The following ABITRAM variants were observed in gnomAD, a reference collection of about 807,000 sequenced individuals.
The protein encoded by ABITRAM is actin binding transcription modulator, also known as protein Abitram.
ABITRAM carries 19 observed loss-of-function variants against 22.9 expected under a neutral mutation model. The ratio of observed to expected loss-of-function variants is 0.83; its 90% CI spans 0.58 to 1.22. The LOEUF (loss-of-function observed/expected upper bound fraction) is 1.22, where lower values mean the gene tolerates loss of function less well. Among genes scored for constraint, ABITRAM ranks in the 50% most tolerant of loss-of-function variants. The probability of loss-of-function intolerance (pLI) is 0.00; values close to 1 mark genes in which losing one functional copy is unlikely to be tolerated. For missense variants in ABITRAM, 215 were observed against 220.2 expected (o/e 0.98, Z 0.15); for synonymous variants, 70 against 73.9 (o/e 0.95, Z 0.27).
downstream of ABITRAM, among the ~76,000 whole-genome samples, chr9:108,944,905 C>T (rs1289524314): frequency 6.6e-6 from 1 of 152,212 alleles, no homozygotes; most frequent in African/African-American, 2.4e-5. Flanking sequence ...TCAAATCGTA[C>T]TTTGCAACCT....
chr9:108,939,850 G>C lies in ABITRAM; in HGVS notation c.*164G>C. ...AGTTTTCCCTCTCTGTCTTCATAAT[G>C]AGCCTTGGTTCCCATTTGTCTACAG... is the stretch of plus-strand genomic sequence containing the variant. On this transcript the variant is annotated 3_prime_UTR_variant, in exon 6 of 6. Transcript: ENST00000322940. 1.3e-6 allele frequency: 1 copy of C among 774,660 alleles called. No homozygotes were observed. Among genetic ancestry groups the C allele is most frequent in the South Asian group, 2.1e-5 (1 of 47,810 alleles). The allele number at this position is 774,660 out of a possible 1,614,324, so 48.0% of individuals were successfully genotyped here.
rs112283133 is a variant in ABITRAM at position 108,947,393 on chromosome 9, G to A, written c.262-3114G>A. Among the ~76,000 whole-genome samples, 403 of 152,200 alleles carry A rather than the reference G, an allele frequency of 2.6e-3. 2 individuals are homozygous for A. Among genetic ancestry groups the A allele is most frequent in the African/African-American group, 9.0e-3 (375 of 41,536 alleles). Reference sequence around the variant, plus strand: ...CTCCCAAAGTGCTGGGATTACAGGCGTGAGCCACCGCGCCTGGCCTAAAGT... The same window carrying A: ...CTCCCAAAGTGCTGGGATTACAGGCATGAGCCACCGCGCCTGGCCTAAAGT... On this transcript the variant is annotated intron_variant, in intron 3 of 3. Coordinates refer to the ABITRAM transcript ENST00000374624.
In ABITRAM at chr9:108,934,411, G is replaced by C. The variant is rs560997074; in HGVS notation, c.-76G>C. 7.6e-7 allele frequency: 1 copy of C among 1,312,488 alleles called. No homozygotes were observed. Among genetic ancestry groups the C allele is most frequent in the African/African-American group, 1.6e-5 (1 of 64,128 alleles). The allele number at this position is 1,312,488 out of a possible 1,614,324, so 81.3% of individuals were successfully genotyped here. ...GCACGACACGCGCTGTGCGCCGGAAGAGCACGCCCAGTCCGGGCTGCGCGG... is the reference window on the plus strand; with the variant it reads ...GCACGACACGCGCTGTGCGCCGGAACAGCACGCCCAGTCCGGGCTGCGCGG... On this transcript the variant is annotated 5_prime_UTR_variant, in exon 1 of 6. Transcript: ENST00000322940.
intron 3 of ABITRAM, among the ~76,000 whole-genome samples, chr9:108,947,919 G>T (rs1220515980): frequency 6.6e-6 from 1 of 152,140 alleles, no homozygotes; most frequent in Non-Finnish European, 1.5e-5. Context: ...TAAACCTAAA[G>T]CTTATTATTG....
In ABITRAM at chr9:108,934,400, G is replaced by T. The variant is rs1184599659; in HGVS notation, c.-87G>T. 1.7e-6 allele frequency: 2 copies of T among 1,152,990 alleles called. No homozygotes were observed. Among genetic ancestry groups the T allele is most frequent in the Non-Finnish European group, 2.4e-6 (2 of 840,460 alleles). 71.4% of individuals were successfully genotyped at this position (1,152,990 alleles called of 1,614,324 possible). On this transcript the variant is annotated 5_prime_UTR_variant, in exon 1 of 6. Transcript: ENST00000322940. Reference sequence around the variant, plus strand: ...AGCGCGCGTGCGCACGACACGCGCTGTGCGCCGGAAGAGCACGCCCAGTCC... The same window carrying T: ...AGCGCGCGTGCGCACGACACGCGCTTTGCGCCGGAAGAGCACGCCCAGTCC...
Position 108,939,589 on chromosome 9 carries a change from T to C in ABITRAM, c.449T>C (p.Phe150Ser), listed in dbSNP as rs1410598063. ...EGYIAVVLPK[F>S]EESKSITEGL... ...TACATTGCAGTTGTGTTACCCAAAT[T>C]TGAAGAAAGTAAAAGCATAACAGAA... Residue 150 changes from phenylalanine to serine, a missense_variant, in exon 6 of 6, where the codon TTT becomes TCT. Transcript: ENST00000322940. The C allele has an allele frequency of 6.2e-7, 1 of 1,613,888 alleles. No individual in the cohort carries two copies. Among genetic ancestry groups the C allele is most frequent in the Non-Finnish European group, 8.5e-7 (1 of 1,179,972 alleles).
chr9:108,936,928 C>G (rs1031629767), intron 3 of ABITRAM, among the ~76,000 whole-genome samples: 6 of 151,974 alleles, frequency 3.9e-5, no homozygotes, highest in Non-Finnish European at 7.4e-5. Flanking sequence ...TTTGGGAGAC[C>G]AAGGTGGGTG....
At chr9:108,939,508 T>A in intron 5 of ABITRAM, 41 bp from the exon 6 acceptor site, 1 of 1,605,074 alleles carries the variant, frequency 6.2e-7, no homozygotes, top group South Asian at 1.1e-5. Flanking sequence ...ATTGGTTTTT[T>A]TTTCATCGTT....
rs761338620 is a variant in ABITRAM, at chr9:108,934,439, G to A, written c.-48G>A. ...CACGCCCAGTCCGGGCTGCGCGGAG[G>A]AAGCGCTGGGGTCCCGGAGGGCGGG... is the stretch of plus-strand genomic sequence containing the variant. On this transcript the variant is annotated 5_prime_UTR_variant, in exon 1 of 6. Coordinates refer to ENST00000322940, the MANE Select transcript of ABITRAM (RefSeq NM_017832.4). 6 of 1,531,400 alleles carry A rather than the reference G, an allele frequency of 3.9e-6. No individual in the cohort carries two copies. The highest frequency in any genetic ancestry group is 5.3e-6 in the Non-Finnish European group (6 of 1,133,238). The allele number at this position is 1,531,400 out of a possible 1,614,324, so 94.9% of individuals were successfully genotyped here. A position where few individuals can be genotyped will look rare whatever the true frequency, so the allele number is the denominator to read the frequency against.
At chr9:108,945,670 T>C (rs1830383587), downstream of ABITRAM, among the ~76,000 whole-genome samples, 1 of 151,232 alleles carries the variant, frequency 6.6e-6, no homozygotes, top group Non-Finnish European at 1.5e-5. Flanking sequence ...AGACAAGGTC[T>C]CACTATGTTG....
chr9:108,945,620 C>A (rs1830377809), downstream of ABITRAM, among the ~76,000 whole-genome samples: 1 of 121,608 alleles, frequency 8.2e-6, no homozygotes, highest in African/African-American at 2.9e-5. Flanking sequence ...TGCCACCATG[C>A]CCCGCTAGTT....
At chr9:108,945,639 T>TTTG (rs1564118829), downstream of ABITRAM, among the ~76,000 whole-genome samples, 2 of 150,936 alleles carry the variant, frequency 1.3e-5, no homozygotes, top group African/African-American at 4.9e-5. Context: ...TTTTTTTTTT[T>TTTG]TTTGTTTTGT....
Position 108,934,514 on chromosome 9 carries a change from C to A in ABITRAM, c.28C>A (p.Pro10Thr). The A allele has an allele frequency of 6.2e-7, 1 of 1,605,868 alleles. No homozygotes were observed. Residue 10 changes from proline (P) to threonine (T), a missense_variant, in exon 1 of 6, where the codon CCG (proline) becomes ACG (threonine). Physicochemically the swap from Pro to Thr is conservative, Grantham distance 38. Transcript: ENST00000322940. MATEPEAAE[P>T]VVPSLVDRYF... ...GGCTACCGAGCCCGAAGCCGCGGAG[C>A]CGGTGGTGCCTTCGCTCGTGGATCG...
chr9:108,934,501 C>T lies in ABITRAM; in HGVS notation c.15C>T (p.Pro5=). The T allele has an allele frequency of 1.2e-6, 2 of 1,604,588 alleles. No individual in the cohort carries two copies. Among genetic ancestry groups the T allele is most frequent in the Non-Finnish European group, 1.7e-6 (2 of 1,176,736 alleles). The change falls in exon 1 of 6, where the codon CCC becomes CCT. Residue 5 remains proline, a synonymous_variant. Transcript: ENST00000322940. ...CGGAGGTCGCCATGGCTACCGAGCC[C>T]GAAGCCGCGGAGCCGGTGGTGCCTT... The part of the protein sequence containing the change: MATE[P]EAAEPVVPSL...
chr9:108,942,137 A>ATACTC (rs1185261908), downstream of ABITRAM, among the ~76,000 whole-genome samples: 1 of 152,176 alleles, frequency 6.6e-6, no homozygotes, highest in Non-Finnish European at 1.5e-5. Flanking sequence ...AACCCATCTC[A>ATACTC]TACTCTCCAG....
chr9:108,947,140 G>A (rs1235923457), intron 3 of ABITRAM, among the ~76,000 whole-genome samples: 2 of 144,204 alleles, frequency 1.4e-5, no homozygotes, highest in African/African-American at 5.1e-5. Flanking sequence ...TTGAGATGGA[G>A]TCTTGCTCTG....
Position 108,939,808 on chromosome 9 carries a change from G to A in ABITRAM, c.*122G>A. On this transcript the variant is annotated 3_prime_UTR_variant, in exon 6 of 6. Transcript: ENST00000322940. Reference sequence around the variant, plus strand: ...CTAACAGCCAGCCATATGCAGGGGAGGCCTAGTGCTTCACTTAGTTTTCCC... The same window carrying A: ...CTAACAGCCAGCCATATGCAGGGGAAGCCTAGTGCTTCACTTAGTTTTCCC... The A allele has an allele frequency of 8.8e-7, 1 of 1,142,824 alleles. No homozygotes were observed. Among genetic ancestry groups the A allele is most frequent in the Non-Finnish European group, 1.2e-6 (1 of 810,138 alleles). The allele number at this position is 1,142,824 out of a possible 1,614,324, so 70.8% of individuals were successfully genotyped here. A position where few individuals can be genotyped will look rare whatever the true frequency, so the allele number is the denominator to read the frequency against.
downstream of ABITRAM, chr9:108,942,977 TA>T: frequency 6.2e-7 from 1 of 1,613,070 alleles, no homozygotes; most frequent in Non-Finnish European, 8.5e-7. Context: ...CAGCAGTTTA[TA>T]ACAAAGTGAA....
Position 108,950,569 on chromosome 9 carries a change from GGGACTGCATC to G in ABITRAM, c.325_334del (p.Gly109PhefsTer44). Reference sequence around the variant, plus strand: ...AGAGGAAAATGATGCCTCTAAGCTTGGGACTGCATCTTCCCCACTCTTAATCCTCCTTCTA... The same window carrying G: ...AGAGGAAAATGATGCCTCTAAGCTTGTTCCCCACTCTTAATCCTCCTTCTA... On this transcript the variant is annotated frameshift_variant, in exon 4 of 4. Coordinates refer to the ABITRAM transcript ENST00000374624. LOFTEE classifies it high-confidence loss of function. The G allele has an allele frequency of 6.5e-7, 1 of 1,550,334 alleles. No individual in the cohort carries two copies.
Sources: allele counts gnomAD v4.1 joint callset (sites outside exome capture counted in the v4.1 genomes callset), GRCh38; gene constraint gnomAD v4.1.1; transcripts MANE v1.5; gene names NCBI Gene and HGNC (gene_info 2026-07-23, HGNC 2026-07-21).